The following GLRA1 variants were observed in gnomAD, a reference collection of about 807,000 sequenced individuals.
GLRA1 encodes glycine receptor subunit alpha-1.
GLRA1 carries 37 observed loss-of-function variants against 48.3 expected under a neutral mutation model. The observed-to-expected ratio is 0.77, with a 90% CI of 0.59 to 1.01. The LOEUF (loss-of-function observed/expected upper bound fraction) is 1.01, where lower values mean the gene tolerates loss of function less well. GLRA1 is among the 50% of genes least tolerant of loss of function. The pLI is 0.00. For synonymous variants in GLRA1, 196 were observed against 210.7 expected, an observed-to-expected ratio of 0.93 and a Z score of 0.60; for missense variants, 427 against 571.0, an observed-to-expected ratio of 0.75 and a Z score of 2.57.
At chr5:151,889,845 G>A (rs186616473) in intron 2 of GLRA1, among the ~76,000 whole-genome samples, 1 of 152,222 alleles carries the variant, frequency 6.6e-6, no homozygotes, top group East Asian at 1.9e-4. Flanking sequence ...GTACAAAGGA[G>A]GGCAGAGAAA....
At chr5:151,872,804 G>A (rs76052919) in intron 3 of GLRA1, among the ~76,000 whole-genome samples, 15,113 of 149,936 alleles carry the variant, frequency 0.1, 1,161 homozygotes, top group Non-Finnish European at 0.15. Flanking sequence ...TTGGGATTGT[G>A]TAGAGAGTTA....
At chr5:151,883,440 A>C (rs56306175) in intron 3 of GLRA1, among the ~76,000 whole-genome samples, 89,461 of 151,412 alleles carry the variant, frequency 0.59, 26,518 homozygotes, top group East Asian at 0.69. Flanking sequence ...ATTTATCTAT[A>C]GGTTATGAGA....
chr5:151,903,016 A>G (rs1026209286), intron 1 of GLRA1, among the ~76,000 whole-genome samples: 18 of 152,236 alleles, frequency 1.2e-4, no homozygotes, highest in Non-Finnish European at 2.5e-4. Flanking sequence ...GTCCAAAGCC[A>G]TTAGAAAAAA....
At chr5:151,876,726 A>C (rs1753636883) in intron 3 of GLRA1, among the ~76,000 whole-genome samples, 1 of 152,052 alleles carries the variant, frequency 6.6e-6, no homozygotes, top group Non-Finnish European at 1.5e-5. Context: ...AGCAGAAGTC[A>C]CTCCTAGGTG....
intron 3 of GLRA1, among the ~76,000 whole-genome samples, chr5:151,886,317 A>G (rs1261931023): frequency 6.6e-6 from 1 of 152,174 alleles, no homozygotes; most frequent in African/African-American, 2.4e-5. Flanking sequence ...TTTTAAATGT[A>G]TTCAACAGTA....
chr5:151,868,913 A>G (rs1018122372), intron 3 of GLRA1, among the ~76,000 whole-genome samples: 1 of 152,150 alleles, frequency 6.6e-6, no homozygotes, highest in Non-Finnish European at 1.5e-5. Flanking sequence ...TGCCTGGTGC[A>G]TTCTCATTTA....
chr5:151,850,301 T>C, intron 7 of GLRA1: 1 of 1,600,732 alleles, frequency 6.2e-7, no homozygotes, highest in Admixed American at 1.7e-5. Context: ...CCGGACCCTG[T>C]GAAAGAATCA....
Position 151,924,577 on chromosome 5 carries a change from A to G in GLRA1, c.-28T>C, listed in dbSNP as rs1371384984. 6 of 1,465,656 alleles carry G rather than the reference A, an allele frequency of 4.1e-6. No homozygotes were observed. The Admixed American group carries it at 6.7e-5, about 16-fold the overall frequency. The allele number at this position is 1,465,656 out of a possible 1,614,324, so 90.8% of individuals were successfully genotyped here. ...TTCAGGTCCTTGTGCTTTGTAGTCC[A>G]CGAGTTATGGGGGCAAAAATGTTTC... On this transcript the variant is annotated 5_prime_UTR_variant, in exon 1 of 9. Transcript: ENST00000274576.
At chr5:151,865,813 GA>G (rs1753321247) in intron 3 of GLRA1, among the ~76,000 whole-genome samples, 1 of 152,144 alleles carries the variant, frequency 6.6e-6, no homozygotes, top group Non-Finnish European at 1.5e-5. Flanking sequence ...CAGGCAGCTT[GA>G]CTCCTACTGG....
intron 5 of GLRA1, among the ~76,000 whole-genome samples, chr5:151,856,079 A>G (rs755679357): frequency 5.4e-4 from 82 of 152,196 alleles, no homozygotes; most frequent in Non-Finnish European, 7.9e-4. Flanking sequence ...GACCCTTTGG[A>G]GAATGCTGCT....
At chr5:151,892,524 G>T in intron 1 of GLRA1, 86 bp from the exon 2 acceptor site, 1 of 1,413,856 alleles carries the variant, frequency 7.1e-7, no homozygotes, top group Non-Finnish European at 9.9e-7. Context: ...AACCTCTGTA[G>T]AACCACAAGA....
intron 8 of GLRA1, among the ~76,000 whole-genome samples, chr5:151,824,122 C>T (rs1455526535): frequency 6.6e-6 from 1 of 151,288 alleles, no homozygotes; most frequent in Non-Finnish European, 1.5e-5. Context: ...GGTGCCTCTC[C>T]ATCTCTCCTG....
intron 7 of GLRA1, among the ~76,000 whole-genome samples, chr5:151,835,674 A>G (rs1352942457): frequency 6.6e-6 from 1 of 152,204 alleles, no homozygotes; most frequent in Non-Finnish European, 1.5e-5. Flanking sequence ...ATCAATAGAC[A>G]TAATCCATCA....
At chr5:151,890,876 G>C (rs1754048769) in intron 2 of GLRA1, among the ~76,000 whole-genome samples, 1 of 151,968 alleles carries the variant, frequency 6.6e-6, no homozygotes, top group East Asian at 1.9e-4. Context: ...TATGGCCTCA[G>C]GAACAAGGTG....
In GLRA1 at chr5:151,822,844, G is replaced by T. The variant is rs772443569; in HGVS notation, c.1179C>A (p.Pro393=). 2.5e-6 allele frequency: 4 copies of T among 1,614,032 alleles called. No individual in the cohort carries two copies. The highest frequency in any genetic ancestry group is 2.2e-5 in the East Asian group (1 of 44,890). ...CTGGGGACTTAGATGGTGCAGGAGG[G>T]GGGTTGGTGGTGTTACTGTTGTTGG... The part of the protein sequence containing the change: ...KGANNSNTTN[P]PPAPSKSPEE... Residue 393 remains proline (P), a synonymous_variant, in exon 9 of 9, where the codon CCC becomes CCA. Coordinates refer to ENST00000274576, the MANE Select transcript of GLRA1 (RefSeq NM_000171.4).
At position 151,850,504 on chromosome 5, in the gene GLRA1, T is replaced by G. The variant is rs952667147; in HGVS notation, c.912+886A>C. On this transcript the variant is annotated intron_variant, in intron 7 of 8. Transcript: ENST00000274576. Reference sequence around the variant, plus strand: ...TACACTGAGGAGGCCATCGAGAAACTAAGCAGTGGCACCAGTACCACATCC... The same window carrying G: ...TACACTGAGGAGGCCATCGAGAAACGAAGCAGTGGCACCAGTACCACATCC... 4 of 1,010,530 alleles carry G rather than the reference T, an allele frequency of 4.0e-6. No homozygotes were observed. The African/African-American group carries it at 4.7e-5, about 12-fold the overall frequency. 62.6% of individuals were successfully genotyped at this position (1,010,530 alleles called of 1,614,324 possible).
Position 151,851,396 on chromosome 5 carries a change from C to T in GLRA1, c.906G>A (p.Leu302=), listed in dbSNP as rs1447398918. The T allele has an allele frequency of 6.2e-7, 1 of 1,611,336 alleles. No individual in the cohort carries two copies. The highest frequency in any genetic ancestry group is 8.5e-7 in the Non-Finnish European group (1 of 1,178,276). Residue 302 remains leucine, a synonymous_variant, in exon 7 of 9, where the codon CTG becomes CTA. Transcript: ENST00000274576. ...CTTGGGCAATGGGACTTACCTTGGG[C>T]AGAGATGCTCGAGAGCCGGAGCTCT... ...TTQSSGSRAS[L]PKVSYVKAID... is the part of the protein sequence containing the mutation.
chr5:151,893,282 A>AACTTACTT (rs1461467061), intron 1 of GLRA1, among the ~76,000 whole-genome samples: 2 of 133,052 alleles, frequency 1.5e-5, no homozygotes, highest in African/African-American at 5.6e-5. Context: ...CCCTCTGCCC[A>AACTTACTT]ACTTTCTTTC....
chr5:151,924,411 G>T, intron 1 of GLRA1, 83 bp downstream of exon 1: 2 of 883,966 alleles, frequency 2.3e-6, no homozygotes, highest in South Asian at 1.3e-5. Flanking sequence ...TCCCCAAAAT[G>T]ATGGGACCAC....
Sources: allele counts gnomAD v4.1 joint callset (sites outside exome capture counted in the v4.1 genomes callset), GRCh38; gene constraint gnomAD v4.1.1; transcripts MANE v1.5; gene names NCBI Gene and HGNC (gene_info 2026-07-23, HGNC 2026-07-21).